Variants in UBE3A observed in about 807,000 individuals in gnomAD.
UBE3A encodes the protein ubiquitin-protein ligase E3A.
UBE3A carries 6 observed loss-of-function variants against 83.4 expected under a neutral mutation model. That is an observed-to-expected ratio of 0.07 (90% CI 0.04 to 0.14). The LOEUF (loss-of-function observed/expected upper bound fraction) is 0.14, where lower values mean the gene tolerates loss of function less well. Among genes scored for constraint, UBE3A ranks in the 10% least tolerant of loss-of-function variants. UBE3A has a pLI of 1.00. For missense variants in UBE3A, 456 were observed against 1,036.1 expected (o/e 0.44, Z 7.69); for synonymous variants, 337 against 355.4 (o/e 0.95, Z 0.58).
At chr15:25,427,631 A>AAAAAAAAAC (rs1311491781) in intron 1 of UBE3A, among the ~76,000 whole-genome samples, 1 of 115,254 alleles carries the variant, frequency 8.7e-6, no homozygotes, top group Non-Finnish European at 1.9e-5. Context: ...AAAAAAAAAA[A>AAAAAAAAAC]CCCACAAAAC....
At chr15:25,413,266 C>T (rs1476051686) in intron 1 of UBE3A, among the ~76,000 whole-genome samples, 1 of 152,080 alleles carries the variant, frequency 6.6e-6, no homozygotes, top group African/African-American at 2.4e-5. Flanking sequence ...TAATAAATGC[C>T]TATGTTGATC....
chr15:25,349,217 A>G (rs555586929), intron 11 of UBE3A, among the ~76,000 whole-genome samples: 1 of 152,338 alleles, frequency 6.6e-6, no homozygotes, highest in African/African-American at 2.4e-5. Flanking sequence ...AAATAAAACT[A>G]TTTAGAAAAT....
intron 11 of UBE3A, among the ~76,000 whole-genome samples, chr15:25,349,682 T>C (rs981657518): frequency 6.6e-6 from 1 of 152,212 alleles, no homozygotes; most frequent in African/African-American, 2.4e-5. Context: ...AACCTCAACA[T>C]ATGATTTTTA....
chr15:25,364,641 GTTTGTTT>G (rs1382311549), intron 6 of UBE3A, among the ~76,000 whole-genome samples: 12 of 132,500 alleles, frequency 9.1e-5, no homozygotes, highest in African/African-American at 2.5e-4. Context: ...GGTTTTTTTT[GTTTGTTT>G]TTTTTTTTTT....
At position 25,339,105 on chromosome 15, in the gene UBE3A, CT is replaced by C. The variant is rs750480224; in HGVS notation, c.*31del. The C allele has an allele frequency of 2.6e-5, 38 of 1,440,094 alleles. No individual in the cohort carries two copies. Among genetic ancestry groups the C allele is most frequent in the African/African-American group, 2.9e-5 (2 of 68,358 alleles). 89.2% of individuals were successfully genotyped at this position (1,440,094 alleles called of 1,614,324 possible). A position where few individuals can be genotyped will look rare whatever the true frequency, so the allele number is the denominator to read the frequency against. ...TAAATTTTTTCTTTTTTTTTCCTTC[CT>C]TTTTTTTGTTTTATTTTGTTTTGTT... On this transcript the variant is annotated 3_prime_UTR_variant, in exon 13 of 13. Transcript: ENST00000648336.
intron 1 of UBE3A, among the ~76,000 whole-genome samples, chr15:25,427,037 C>T (rs562546241): frequency 7.2e-4 from 110 of 152,204 alleles, no homozygotes; most frequent in African/African-American, 2.6e-3. Context: ...TCTCTCACCT[C>T]TGCCTTATAT....
chr15:25,356,848 G>C lies in UBE3A; in HGVS notation c.1802C>G (p.Ser601Cys), dbSNP rs753519257. 5.6e-6 allele frequency: 9 copies of C among 1,613,714 alleles called. No homozygotes were observed. The highest frequency in any genetic ancestry group is 7.6e-6 in the Non-Finnish European group (9 of 1,179,842). ...AAACTGACCCTCAGTTTCAAAAGAA[G>C]ATGGATTAAACCAAAACAATTTTGT... ...ESTKLFWFNP[S>C]SFETEGQFTL... The change falls in exon 8 of 13, where the codon TCT (serine) becomes TGT (cysteine). Residue 601 changes from serine to cysteine, a missense_variant. Transcript: ENST00000648336.
chr15:25,356,009 C>T lies in UBE3A; in HGVS notation c.2007G>A (p.Val669=). ...LKDLLEYEGN[V]EDDMMITFQI... is the part of the protein sequence containing the mutation. ...GGAAAGTGATCATCATGTCATCTTC[C>T]ACATTCCCTTCATACTCCAATAAAT... The change falls in exon 9 of 13, where the codon GTG becomes GTA. Residue 669 remains valine, a synonymous_variant. Coordinates refer to ENST00000648336, the MANE Select transcript of UBE3A (RefSeq NM_130839.5). The T allele has an allele frequency of 6.2e-7, 1 of 1,613,704 alleles. No individual in the cohort carries two copies. The highest frequency in any genetic ancestry group is 8.5e-7 in the Non-Finnish European group (1 of 1,179,870).
intron 1 of UBE3A, among the ~76,000 whole-genome samples, chr15:25,429,695 A>C (rs1216235107): frequency 6.6e-6 from 1 of 151,902 alleles, no homozygotes; most frequent in Non-Finnish European, 1.5e-5. Flanking sequence ...AAAAACAAAC[A>C]AACAAACATT....
intron 4 of UBE3A, among the ~76,000 whole-genome samples, chr15:25,395,957 C>T (rs2085465833): frequency 6.6e-6 from 1 of 152,148 alleles, no homozygotes; most frequent in Non-Finnish European, 1.5e-5. Flanking sequence ...GTAATCCCAG[C>T]GCTCTGGAAG....
At chr15:25,339,566 G>A in intron 12 of UBE3A, 1 of 287,808 alleles carries the variant, frequency 3.5e-6, no homozygotes, top group Non-Finnish European at 6.6e-6. Flanking sequence ...ACCACAGAGA[G>A]GACATCAGTA....
intron 9 of UBE3A, among the ~76,000 whole-genome samples, chr15:25,355,478 C>G (rs1263662994): frequency 6.6e-6 from 1 of 152,160 alleles, no homozygotes; most frequent in East Asian, 1.9e-4. Context: ...AAACCCAAAT[C>G]TGACGTAAAG....
At position 25,395,451 on chromosome 15, in the gene UBE3A, T is replaced by C. The variant is rs77452697; in HGVS notation, c.62+10010A>G. 8.1e-3 allele frequency among the ~76,000 whole-genome samples: 1,229 copies of C among 152,196 alleles called. 20 individuals are homozygous for C. Among genetic ancestry groups the C allele is most frequent in the African/African-American group, 0.028 (1,176 of 41,518 alleles). ...AGTATAATGGTTAAAAAAAATAAAA[T>C]GAATTATGGGTATTTGGAAGGTGTA... On this transcript the variant is annotated intron_variant, in intron 4 of 12. Coordinates refer to ENST00000648336, the MANE Select transcript of UBE3A (RefSeq NM_130839.5).
At chr15:25,364,117 T>G (rs1401211644) in intron 6 of UBE3A, among the ~76,000 whole-genome samples, 1 of 151,750 alleles carries the variant, frequency 6.6e-6, no homozygotes, top group Non-Finnish European at 1.5e-5. Context: ...TCCCAGCTAC[T>G]TGGGAGGCTG....
chr15:25,354,036 C>A (rs2152679496), intron 11 of UBE3A: 1 of 388,852 alleles, frequency 2.6e-6, no homozygotes, highest in Non-Finnish European at 4.7e-6. Context: ...GGAAAAATTG[C>A]AGACATGGTA....
rs1040338570 is a variant in UBE3A at position 25,394,952 on chromosome 15, C to T, written c.62+10509G>A. The stretch of plus-strand genomic sequence containing the variant: ...AATCAATATGCAAGAAGTCAAATGA[C>T]ATTAAATCCCATGAAGAAAAATGCA... On this transcript the variant is annotated intron_variant, in intron 4 of 12. Coordinates refer to ENST00000648336, the MANE Select transcript of UBE3A (RefSeq NM_130839.5). 2.0e-5 allele frequency among the ~76,000 whole-genome samples: 3 copies of T among 152,096 alleles called. No homozygotes were observed. The South Asian group carries it at 6.2e-4, about 31-fold the overall frequency.
At position 25,337,338 on chromosome 15, in the gene UBE3A, C is replaced by G. The variant is rs1013111544; in HGVS notation, c.*1799G>C. The G allele has an allele frequency of 3.9e-5, 6 of 152,074 alleles. No homozygotes were observed. In the East Asian group the frequency reaches 1.2e-3, roughly 29 times the overall value. 9.4% of individuals were successfully genotyped at this position (152,074 alleles called of 1,614,324 possible). ...ATTAAGAAGCACAGTGGATGAGAAG[C>G]CTTTAAGATGACTACAGTTGCACGA... On this transcript the variant is annotated 3_prime_UTR_variant, in exon 13 of 13. Transcript: ENST00000648336.
intron 11 of UBE3A, among the ~76,000 whole-genome samples, chr15:25,352,329 C>G (rs1054326478): frequency 1.3e-5 from 2 of 152,066 alleles, no homozygotes; most frequent in African/African-American, 2.4e-5. Context: ...TAAATAAATA[C>G]CAACCAAAAT....
intron 4 of UBE3A, chr15:25,391,870 T>C (rs1383312878): frequency 6.6e-6 from 1 of 152,250 alleles, no homozygotes; most frequent in Non-Finnish European, 1.5e-5. Flanking sequence ...GCAGCAGTGA[T>C]GCAGAGGTGA....
Sources: gnomAD v4.1 joint callset for allele counts (sites outside exome capture counted in the v4.1 genomes callset) on GRCh38, gnomAD v4.1.1 for gene constraint, MANE v1.5 for transcripts, NCBI Gene and HGNC (gene_info 2026-07-23, HGNC 2026-07-21) for gene names.